The following GPM6B variants were observed in gnomAD, a reference collection of about 807,000 sequenced individuals.
The protein encoded by GPM6B is neuronal membrane glycoprotein M6-b.
GPM6B carries 4 observed loss-of-function variants against 27.2 expected under a neutral mutation model. The ratio of observed to expected loss-of-function variants is 0.15; its 90% CI spans 0.07 to 0.34. The LOEUF (loss-of-function observed/expected upper bound fraction) is 0.34. Ranked by LOEUF, GPM6B falls within the 10% of genes least tolerant of loss-of-function variation. The probability of loss-of-function intolerance (pLI) is 1.00; values close to 1 mark genes in which losing one functional copy is unlikely to be tolerated. For synonymous variants in GPM6B, 124 were observed against 103.1 expected, an observed-to-expected ratio of 1.20 and a Z score of -1.23; for missense variants, 183 against 261.9, an observed-to-expected ratio of 0.70 and a Z score of 2.08.
At chrX:13,794,998 A>G (rs888242659) in intron 2 of GPM6B, among the ~76,000 whole-genome samples, 18 of 112,363 alleles carry the variant, frequency 1.6e-4, no homozygotes, top group African/African-American at 5.8e-4. Flanking sequence ...AAAAATGAAC[A>G]GCTTGTCACT....
chrX:13,922,904 G>A (rs966556255), intron 1 of GPM6B, among the ~76,000 whole-genome samples: 2 of 112,092 alleles, frequency 1.8e-5, no homozygotes, highest in Admixed American at 9.4e-5. Flanking sequence ...GGCCGGGTGC[G>A]GTGGCTCACG....
At chrX:13,812,136 G>A (rs2049147202) in intron 1 of GPM6B, among the ~76,000 whole-genome samples, 2 of 94,545 alleles carry the variant, frequency 2.1e-5, no homozygotes, top group Non-Finnish European at 4.1e-5. Flanking sequence ...TGCAACCTCC[G>A]CCTCTCGGGT....
intron 1 of GPM6B, among the ~76,000 whole-genome samples, chrX:13,842,228 C>G (rs1030989648): frequency 1.8e-5 from 2 of 111,956 alleles, no homozygotes; most frequent in Admixed American, 9.5e-5. Context: ...ATAATAATTA[C>G]TAGAATATCT....
chrX:13,938,376 G>A (rs1273934531), exon 1 of GPM6B: 1 of 293,478 alleles, frequency 3.4e-6, no homozygotes, highest in Non-Finnish European at 5.9e-6. Flanking sequence ...CCAGCGTCCC[G>A]GCTTCGTCGC....
intron 1 of GPM6B, among the ~76,000 whole-genome samples, chrX:13,888,216 C>T (rs2050155672): frequency 8.9e-6 from 1 of 112,467 alleles, no homozygotes; most frequent in African/African-American, 3.2e-5. Context: ...ATAAAGCCCA[C>T]TTTCTTGCAG....
At chrX:13,855,672 T>C (rs2049772467) in intron 1 of GPM6B, among the ~76,000 whole-genome samples, 1 of 111,988 alleles carries the variant, frequency 8.9e-6, no homozygotes, top group Non-Finnish European at 1.9e-5. Context: ...GTTTACAACT[T>C]GATGAGTTTT....
intron 1 of GPM6B, among the ~76,000 whole-genome samples, chrX:13,887,100 T>C (rs2050144513): frequency 8.9e-6 from 1 of 112,414 alleles, no homozygotes; most frequent in Non-Finnish European, 1.9e-5. Flanking sequence ...ATTACAGGCG[T>C]GAGTCACTGT....
At chrX:13,938,547 C>T, upstream of GPM6B, 1 of 858,530 alleles carries the variant, frequency 1.2e-6, no homozygotes, top group Non-Finnish European at 1.5e-6. Context: ...GGCTGCGGGG[C>T]GTTCGGGCTC....
chrX:13,924,176 T>G (rs1381212982), intron 1 of GPM6B, among the ~76,000 whole-genome samples: 1 of 112,645 alleles, frequency 8.9e-6, no homozygotes, highest in Non-Finnish European at 1.9e-5. Flanking sequence ...TAACCTTAAT[T>G]CACCTGCATG....
intron 1 of GPM6B, among the ~76,000 whole-genome samples, chrX:13,845,374 A>G (rs970331522): frequency 9.0e-6 from 1 of 111,644 alleles, no homozygotes; most frequent in Non-Finnish European, 1.9e-5. Context: ...AAATTTGCCA[A>G]TTTCCATCTC....
At chrX:13,901,095 T>C (rs753573493) in intron 1 of GPM6B, among the ~76,000 whole-genome samples, 81 of 111,661 alleles carry the variant, frequency 7.3e-4, no homozygotes, top group African/African-American at 2.2e-3. Flanking sequence ...ATTTGAAAAA[T>C]ATTAGTTGAA....
At chrX:13,815,774 T>C (rs747960206) in intron 1 of GPM6B, among the ~76,000 whole-genome samples, 3 of 112,239 alleles carry the variant, frequency 2.7e-5, no homozygotes, top group East Asian at 5.5e-4. Context: ...GCCGTTTTTG[T>C]AGGTTTAAAA....
At chrX:13,881,381 G>A (rs998156431) in intron 1 of GPM6B, among the ~76,000 whole-genome samples, 12 of 111,022 alleles carry the variant, frequency 1.1e-4, no homozygotes, top group Non-Finnish European at 1.9e-4. Flanking sequence ...GCATGGTGGC[G>A]CATGTCTCTA....
intron 1 of GPM6B, among the ~76,000 whole-genome samples, chrX:13,834,830 G>A (rs771337759): frequency 8.9e-6 from 1 of 112,020 alleles, no homozygotes; most frequent in Non-Finnish European, 1.9e-5. Context: ...ATGGATACTT[G>A]TCATCGTATT....
At chrX:13,886,726 A>AAAAAAAAAAAAAAAC in intron 1 of GPM6B, among the ~76,000 whole-genome samples, 1 of 101,159 alleles carries the variant, frequency 9.9e-6, no homozygotes, top group Admixed American at 1.1e-4. Flanking sequence ...TACTAAAAAA[A>AAAAAAAAAAAAAAAC]AAAAAAAAAA....
chrX:13,835,109 CT>C (rs1272817414), intron 1 of GPM6B, among the ~76,000 whole-genome samples: 4 of 112,042 alleles, frequency 3.6e-5, no homozygotes, highest in African/African-American at 1.3e-4. Flanking sequence ...CACAGAGCAT[CT>C]CAGCAGACTA....
chrX:13,842,802 C>T (rs915671171), intron 1 of GPM6B, among the ~76,000 whole-genome samples: 3 of 111,551 alleles, frequency 2.7e-5, no homozygotes, highest in East Asian at 5.6e-4. Flanking sequence ...ATTAAAGATG[C>T]ATATTTCCCA....
chrX:13,853,976 G>A (rs2049751535), intron 1 of GPM6B, among the ~76,000 whole-genome samples: 1 of 112,059 alleles, frequency 8.9e-6, no homozygotes, highest in African/African-American at 3.2e-5. Flanking sequence ...TTGCAAGCTG[G>A]CCTTGTCCAA....
At chrX:13,806,255 G>C (rs1343515398) in intron 2 of GPM6B, among the ~76,000 whole-genome samples, 1 of 112,208 alleles carries the variant, frequency 8.9e-6, no homozygotes, top group Non-Finnish European at 1.9e-5. Context: ...AACATAAACA[G>C]AGTGGTAGAA....
Sources: gnomAD v4.1 joint callset for allele counts (sites outside exome capture counted in the v4.1 genomes callset) on GRCh38, gnomAD v4.1.1 for gene constraint, MANE v1.5 for transcripts, NCBI Gene and HGNC (gene_info 2026-07-23, HGNC 2026-07-21) for gene names.